RP1L1: variants seen among roughly 807,000 people sequenced by gnomAD.
RP1L1 encodes the protein retinitis pigmentosa 1-like 1 protein.
Under a neutral mutation model 15.7 loss-of-function variants are expected in RP1L1, and 27 were observed. The observed-to-expected ratio is 1.72, with a 90% confidence interval of 1.27 to 2.38. The LOEUF is 2.38. Ranked by LOEUF, RP1L1 falls within the 30% of genes most tolerant of loss-of-function variation. RP1L1 has a pLI of 0.00. For missense variants in RP1L1, 4,798 were observed against 3,075.9 expected, an observed-to-expected ratio of 1.56 and a Z score of -13.24; for synonymous variants, 1,813 against 1,276.7, an observed-to-expected ratio of 1.42 and a Z score of -8.96.
At position 10,610,831 on chromosome 8, in the gene RP1L1, C is replaced by T. The variant is rs1407899080; in HGVS notation, c.3267G>A (p.Leu1089=). 6.2e-7 allele frequency: 1 copy of T among 1,607,614 alleles called. No homozygotes were observed. The highest frequency in any genetic ancestry group is 8.5e-7 in the Non-Finnish European group (1 of 1,176,200). ...VSASTQIMRA[L]MGSKQGRPSS... ...TGGGCCGGCCCTGCTTGGAGCCCAT[C>T]AGCGCCCTCATGATCTGCGTGGAGG... Residue 1089 remains leucine (L), a synonymous_variant, in exon 4 of 4, where the codon CTG becomes CTA. Transcript: ENST00000382483.
At position 10,611,412 on chromosome 8, in the gene RP1L1, C is replaced by G. The variant is rs1797851174; in HGVS notation, c.2686G>C (p.Gly896Arg). 2 of 1,593,192 alleles carry G rather than the reference C, an allele frequency of 1.3e-6. No individual in the cohort carries two copies. The highest frequency in any genetic ancestry group is 1.7e-6 in the Non-Finnish European group (2 of 1,171,722). ...GSPQEGTRQP[G>R]PTPSPGPNSG... ...TTGGGGCCTGGGGACGGCGTGGGGC[C>G]TGGCTGGCGTGTCCCCTCCTGCGGG... is the stretch of plus-strand genomic sequence containing the variant. The change falls in exon 4 of 4, where the codon GGC becomes CGC. Residue 896 changes from glycine (G) to arginine (R), a missense_variant. Physicochemically the swap from Gly to Arg is moderately radical, Grantham distance 125 (BLOSUM62 -2). Coordinates refer to ENST00000382483, the MANE Select transcript of RP1L1 (RefSeq NM_178857.6).
At chr8:10,632,131 G>A (rs904723768) in intron 1 of RP1L1, among the ~76,000 whole-genome samples, 7 of 152,270 alleles carry the variant, frequency 4.6e-5, no homozygotes, top group African/African-American at 1.2e-4. Flanking sequence ...AAGAGGCTTC[G>A]GGTGAAGGCA....
intron 2 of RP1L1, chr8:10,621,905 T>C (rs1235093797): frequency 2.5e-6 from 1 of 403,136 alleles, no homozygotes; most frequent in Non-Finnish European, 5.0e-6. Flanking sequence ...ACTCTCTGGC[T>C]TCCCAAACAT....
In RP1L1 at chr8:10,612,208, G is replaced by T; in HGVS notation, c.1890C>A (p.Thr630=). 1 of 1,613,268 alleles carries T rather than the reference G, an allele frequency of 6.2e-7. No individual in the cohort carries two copies. The highest frequency in any genetic ancestry group is 1.3e-5 in the African/African-American group (1 of 75,070). The change falls in exon 4 of 4, where the codon ACC becomes ACA. Residue 630 remains threonine (T), a synonymous_variant. Transcript: ENST00000382483. ...DSEGASSTPS[T]CTSSQQGQRR... ...TCTGCCCCTGCTGGGATGAAGTGCAGGTGGAAGGGGTGGAAGAGGCTCCTT... is the reference window on the plus strand; with the variant it reads ...TCTGCCCCTGCTGGGATGAAGTGCATGTGGAAGGGGTGGAAGAGGCTCCTT...
At chr8:10,649,220 C>T (rs1798523938) in intron 1 of RP1L1, among the ~76,000 whole-genome samples, 1 of 152,220 alleles carries the variant, frequency 6.6e-6, no homozygotes, top group Non-Finnish European at 1.5e-5. Flanking sequence ...CGATTCTACT[C>T]TCAAGTCCTT....
At chr8:10,615,292 TTTG>T (rs1797947621) in intron 3 of RP1L1, among the ~76,000 whole-genome samples, 1 of 152,248 alleles carries the variant, frequency 6.6e-6, no homozygotes, top group African/African-American at 2.4e-5. Context: ...TCAGACTGCA[TTTG>T]TTAATTGTGC....
Position 10,611,629 on chromosome 8 carries a change from G to C in RP1L1, c.2469C>G (p.Ser823Arg). 1 of 1,612,916 alleles carries C rather than the reference G, an allele frequency of 6.2e-7. No homozygotes were observed. The highest frequency in any genetic ancestry group is 8.5e-7 in the Non-Finnish European group (1 of 1,179,850). The change falls in exon 4 of 4, where the codon AGC becomes AGG. Residue 823 changes from serine (S) to arginine (R), a missense_variant. Coordinates refer to ENST00000382483, the MANE Select transcript of RP1L1 (RefSeq NM_178857.6). ...GCGTCCCAGGCTGTGAGCAGCAGTG[G>C]CTTCGGTGGGGGCCCACCGCCCCTT... is the stretch of plus-strand genomic sequence containing the variant. ...PEQGAVGPHR[S>R]HCCSQPGTQP...
Position 10,617,542 on chromosome 8 carries a change from T to G in RP1L1, c.610-955A>C, listed in dbSNP as rs568884831. ...TTTGTTTTTGTTTTTTTCTGTTTCT[T>G]TTTCTTTTTTTTTTTTTTTTTTTTT... On this transcript the variant is annotated intron_variant, in intron 2 of 3. Coordinates refer to ENST00000382483, the MANE Select transcript of RP1L1 (RefSeq NM_178857.6). Among the ~76,000 whole-genome samples, 296 of 138,404 alleles carry G rather than the reference T, an allele frequency of 2.1e-3. 3 individuals carry two copies. Among genetic ancestry groups the G allele is most frequent in the African/African-American group, 7.2e-3 (272 of 37,974 alleles). 90.8% of individuals were successfully genotyped at this position (138,404 alleles called of 152,430 possible).
chr8:10,637,555 G>C (rs928317556), intron 1 of RP1L1, among the ~76,000 whole-genome samples: 1 of 152,088 alleles, frequency 6.6e-6, no homozygotes, highest in Admixed American at 6.5e-5. Flanking sequence ...AATGTAGCCT[G>C]GGCAACAGAG....
intron 1 of RP1L1, among the ~76,000 whole-genome samples, chr8:10,630,402 A>C (rs1456964176): frequency 6.6e-6 from 1 of 152,210 alleles, no homozygotes; most frequent in Non-Finnish European, 1.5e-5. Context: ...ACACGCAGAG[A>C]GCTGGGAGGA....
chr8:10,617,804 C>T (rs530434147), intron 2 of RP1L1, among the ~76,000 whole-genome samples: 51 of 152,244 alleles, frequency 3.3e-4, no homozygotes, highest in African/African-American at 1.2e-3. Context: ...GATCCGCCGG[C>T]CTCGGCCTCC....
chr8:10,612,831 G>A lies in RP1L1; in HGVS notation c.1267C>T (p.Arg423Trp), dbSNP rs375440665. The A allele has an allele frequency of 6.0e-5, 97 of 1,612,178 alleles. No individual in the cohort carries two copies. The South Asian group carries it at 7.1e-4, about 12-fold the overall frequency. ...TGCTGGGCCAGTCCCCACCTCTTCCGAGCTGCCACTCTCTCTCCCTGGGAG... is the reference window on the plus strand; with the variant it reads ...TGCTGGGCCAGTCCCCACCTCTTCCAAGCTGCCACTCTCTCTCCCTGGGAG... ...HASQGERVAA[R>W]KRWGLAQHVR... The change falls in exon 4 of 4, where the codon CGG (arginine) becomes TGG (tryptophan). Residue 423 changes from arginine to tryptophan, a missense_variant. Physicochemically the swap from Arg to Trp is moderately radical, Grantham distance 101. Coordinates refer to ENST00000382483, the MANE Select transcript of RP1L1 (RefSeq NM_178857.6).
chr8:10,651,285 GTGAT>G (rs1466283524), intron 1 of RP1L1, among the ~76,000 whole-genome samples: 3 of 152,196 alleles, frequency 2.0e-5, no homozygotes, highest in Non-Finnish European at 4.4e-5. Flanking sequence ...AAACCTCCAG[GTGAT>G]TGTGCTCACA....
chr8:10,633,646 C>A (rs1022920178), intron 1 of RP1L1, among the ~76,000 whole-genome samples: 1 of 152,064 alleles, frequency 6.6e-6, no homozygotes, highest in Non-Finnish European at 1.5e-5. Flanking sequence ...CTGTGGTCAT[C>A]ATTTGAGTCC....
At chr8:10,636,693 G>A (rs972656153) in intron 1 of RP1L1, among the ~76,000 whole-genome samples, 2 of 152,236 alleles carry the variant, frequency 1.3e-5, no homozygotes, top group Admixed American at 1.3e-4. Flanking sequence ...CCAAGCCACA[G>A]CTGCTAATCC....
chr8:10,618,146 T>G (rs1284236924), intron 2 of RP1L1, among the ~76,000 whole-genome samples: 1 of 152,212 alleles, frequency 6.6e-6, no homozygotes, highest in Non-Finnish European at 1.5e-5. Flanking sequence ...GCCATGCAAC[T>G]AGGAGCAAAT....
intron 1 of RP1L1, among the ~76,000 whole-genome samples, chr8:10,629,923 C>T (rs772038686): frequency 6.6e-6 from 1 of 152,162 alleles, no homozygotes; most frequent in Non-Finnish European, 1.5e-5. Context: ...CCCCTACTCC[C>T]GCATGGCCCT....
chr8:10,639,035 C>T (rs1317819111), intron 1 of RP1L1, among the ~76,000 whole-genome samples: 2 of 151,906 alleles, frequency 1.3e-5, no homozygotes, highest in Non-Finnish European at 2.9e-5. Flanking sequence ...ATCTCAGCTA[C>T]TTGGGAGGCT....
chr8:10,617,853 G>C (rs747783234), intron 2 of RP1L1, among the ~76,000 whole-genome samples: 3 of 152,152 alleles, frequency 2.0e-5, no homozygotes, highest in Non-Finnish European at 4.4e-5. Context: ...ACTGCACCCG[G>C]CCTAGAAGTT....
Sources: gnomAD v4.1 joint callset for allele counts (sites outside exome capture counted in the v4.1 genomes callset) on GRCh38, gnomAD v4.1.1 for gene constraint, MANE v1.5 for transcripts, NCBI Gene and HGNC (gene_info 2026-07-23, HGNC 2026-07-21) for gene names.